The following NAV2 variants were observed in gnomAD, a reference collection of about 807,000 sequenced individuals.
NAV2 encodes neuron navigator 2.
A neutral mutation model predicts 223.2 loss-of-function variants in NAV2; 54 were observed. The observed-to-expected ratio is 0.24, with a 90% CI of 0.19 to 0.30. The LOEUF (loss-of-function observed/expected upper bound fraction) is 0.30, where lower values mean the gene tolerates loss of function less well. Among genes scored for constraint, NAV2 ranks in the 10% least tolerant of loss-of-function variants. The probability of loss-of-function intolerance (pLI) is 1.00; values close to 1 mark genes in which losing one functional copy is unlikely to be tolerated. For synonymous variants in NAV2, 1,279 were observed against 1,239.3 expected (o/e 1.03, Z -0.67); for missense variants, 2,806 against 3,147.5 (o/e 0.89, Z 2.60).
At chr11:19,995,599 A>G (rs939901854) in intron 11 of NAV2, among the ~76,000 whole-genome samples, 3 of 152,282 alleles carry the variant, frequency 2.0e-5, no homozygotes, top group Non-Finnish European at 4.4e-5. Flanking sequence ...CTGGACCTGA[A>G]GAACCAGAAT....
chr11:19,955,228 G>A (rs2047749594), intron 10 of NAV2, among the ~76,000 whole-genome samples: 1 of 152,058 alleles, frequency 6.6e-6, no homozygotes, highest in Non-Finnish European at 1.5e-5. Flanking sequence ...GCAATATAGT[G>A]AGACCTGTTG....
At chr11:19,408,689 A>G (rs951036285) in intron 1 of NAV2, among the ~76,000 whole-genome samples, 3 of 152,130 alleles carry the variant, frequency 2.0e-5, no homozygotes, top group African/African-American at 4.8e-5. Context: ...TATTATCCCT[A>G]TTTTACAGAT....
intron 2 of NAV2, among the ~76,000 whole-genome samples, chr11:19,836,473 C>T (rs552056152): frequency 6.7e-6 from 1 of 150,074 alleles, no homozygotes; most frequent in Non-Finnish European, 1.5e-5. Context: ...AGGAGAATGG[C>T]GTGAACCCGG....
At chr11:19,410,220 C>G (rs1243796556) in intron 1 of NAV2, among the ~76,000 whole-genome samples, 2 of 152,154 alleles carry the variant, frequency 1.3e-5, no homozygotes, top group Non-Finnish European at 2.9e-5. Context: ...AGGTGGCAAA[C>G]TTTTTGTTTC....
At chr11:19,959,268 C>T (rs955791432) in intron 10 of NAV2, among the ~76,000 whole-genome samples, 1 of 152,138 alleles carries the variant, frequency 6.6e-6, no homozygotes, top group Non-Finnish European at 1.5e-5. Flanking sequence ...AACCCAGTCC[C>T]ACAGCCTGCC....
intron 4 of NAV2, among the ~76,000 whole-genome samples, chr11:19,870,105 C>G (rs2062380992): frequency 6.6e-6 from 1 of 152,132 alleles, no homozygotes; most frequent in African/African-American, 2.4e-5. Context: ...TGTTCCCAGT[C>G]AGGCACGGCC....
At chr11:19,643,377 A>G (rs1253638730) in intron 1 of NAV2, among the ~76,000 whole-genome samples, 9 of 128,112 alleles carry the variant, frequency 7.0e-5, no homozygotes, top group Non-Finnish European at 1.2e-4. Context: ...ATGTGTTCTC[A>G]TTGTTCAATT....
At chr11:19,884,399 A>T (rs1252932043) in intron 5 of NAV2, 4 of 1,546,826 alleles carry the variant, frequency 2.6e-6, no homozygotes, top group Non-Finnish European at 3.6e-6. Flanking sequence ...GCATGGTTTA[A>T]TCCCAACCCA....
intron 1 of NAV2, among the ~76,000 whole-genome samples, chr11:19,804,074 A>G (rs1325706478): frequency 1.3e-5 from 2 of 152,208 alleles, no homozygotes; most frequent in African/African-American, 4.8e-5. Flanking sequence ...TCATTAGGTC[A>G]GTGAGAAGAG....
At chr11:19,578,601 T>A (rs966690712) in intron 1 of NAV2, among the ~76,000 whole-genome samples, 5 of 152,244 alleles carry the variant, frequency 3.3e-5, no homozygotes, top group Admixed American at 2.6e-4. Flanking sequence ...TTCCTCCTAG[T>A]ATACACTCTG....
intron 25 of NAV2, among the ~76,000 whole-genome samples, chr11:20,081,579 A>G (rs1263188827): frequency 6.6e-6 from 1 of 152,160 alleles, no homozygotes; most frequent in African/African-American, 2.4e-5. Context: ...ATTTCAGGTG[A>G]TGGCTTGTGT....
At chr11:20,103,846 T>C (rs1285403050) in intron 34 of NAV2, 122 bp downstream of exon 34, 1 of 885,446 alleles carries the variant, frequency 1.1e-6, no homozygotes, top group African/African-American at 1.7e-5. Context: ...TAAGCATTTT[T>C]CTCAGCTTAA....
In NAV2 at chr11:19,416,968, C is replaced by T. The variant is rs528563029; in HGVS notation, c.75+65941C>T. Among the ~76,000 whole-genome samples, 23 of 152,210 alleles carry T rather than the reference C, an allele frequency of 1.5e-4. No individual in the cohort carries two copies. In the South Asian group the frequency reaches 2.5e-3, roughly 16 times the overall value. On this transcript the variant is annotated intron_variant, in intron 1 of 37. Transcript: ENST00000360655. ...ACTCAAGGTGGATTAAAGACTTAAA[C>T]GTAAGATCTAAAACCATAAAAACTC...
At chr11:19,518,177 T>A (rs1228894597) in intron 1 of NAV2, among the ~76,000 whole-genome samples, 1 of 152,360 alleles carries the variant, frequency 6.6e-6, no homozygotes, top group South Asian at 2.1e-4. Context: ...GGGAATTTCA[T>A]CAAAGCTTCA....
chr11:20,086,255 GA>G (rs1314181844), intron 26 of NAV2, among the ~76,000 whole-genome samples: 1 of 152,178 alleles, frequency 6.6e-6, no homozygotes, highest in Non-Finnish European at 1.5e-5. Flanking sequence ...GGAATATGGG[GA>G]AGGGAGATCA....
rs2047339374 is a variant in NAV2 at position 19,631,294 on chromosome 11, C to G, written c.76-201190C>G. The stretch of plus-strand genomic sequence containing the variant: ...ACAACAGTCCCCGGCGTGTGATGTT[C>G]CCCCTCCTGTGTCCATGTGTTCTCA... On this transcript the variant is annotated intron_variant, in intron 1 of 37. Transcript: ENST00000360655. Among the ~76,000 whole-genome samples, 10 of 149,318 alleles carry G rather than the reference C, an allele frequency of 6.7e-5. No individual in the cohort carries two copies. The South Asian group carries it at 2.2e-3, about 32-fold the overall frequency.
rs113199948 is a variant in NAV2, at chr11:19,504,599, G to A, written c.75+153572G>A. Among the ~76,000 whole-genome samples the A allele has an allele frequency of 2.7e-3, 405 of 152,266 alleles. 1 individual carries two copies. Among genetic ancestry groups the A allele is most frequent in the African/African-American group, 8.9e-3 (369 of 41,564 alleles). ...TGGAGCTATCCTATCTGAGAGATAC[G>A]CTTCAGGGATGAAAGTTTATGAATC... is the stretch of plus-strand genomic sequence containing the variant. On this transcript the variant is annotated intron_variant, in intron 1 of 37. Transcript: ENST00000360655.
intron 1 of NAV2, among the ~76,000 whole-genome samples, chr11:19,688,186 T>C (rs2152251621): frequency 6.6e-6 from 1 of 152,276 alleles, no homozygotes; most frequent in Admixed American, 6.5e-5. Flanking sequence ...ATTACAGCCT[T>C]GAATTGCATG....
At chr11:19,466,169 C>G (rs1590258173) in intron 1 of NAV2, among the ~76,000 whole-genome samples, 1 of 152,188 alleles carries the variant, frequency 6.6e-6, no homozygotes, top group South Asian at 2.1e-4. Context: ...GGAAGACAGG[C>G]AGCATTTATA....
Sources: gnomAD v4.1 joint callset for allele counts (sites outside exome capture counted in the v4.1 genomes callset) on GRCh38, gnomAD v4.1.1 for gene constraint, MANE v1.5 for transcripts, NCBI Gene and HGNC (gene_info 2026-07-23, HGNC 2026-07-21) for gene names.